The following XKR4 variants were observed in gnomAD, a reference collection of about 807,000 sequenced individuals.
The protein encoded by XKR4 is XK related 4, also known as XK-related protein 4.
In XKR4, 12 loss-of-function variants were observed where a neutral mutation model predicts 53.9. The observed-to-expected ratio is 0.22, with a 90% CI of 0.14 to 0.36. The LOEUF (loss-of-function observed/expected upper bound fraction) is 0.36, where lower values mean the gene tolerates loss of function less well. Ranked by LOEUF, XKR4 falls within the 10% of genes least tolerant of loss-of-function variation. The pLI, the probability that XKR4 is intolerant of heterozygous loss-of-function variation, is 1.00. For missense variants in XKR4, 799 were observed against 859.5 expected, an observed-to-expected ratio of 0.93 and a Z score of 0.88; for synonymous variants, 354 against 362.4, an observed-to-expected ratio of 0.98 and a Z score of 0.26.
At chr8:55,460,719 T>A (rs1392001089) in intron 2 of XKR4, among the ~76,000 whole-genome samples, 1 of 152,126 alleles carries the variant, frequency 6.6e-6, no homozygotes, top group Non-Finnish European at 1.5e-5. Flanking sequence ...GTCAGGGAAT[T>A]CCCTTTCCTA....
intron 1 of XKR4, among the ~76,000 whole-genome samples, chr8:55,266,571 G>C (rs1311775461): frequency 2.0e-5 from 3 of 152,274 alleles, no homozygotes; most frequent in Non-Finnish European, 4.4e-5. Flanking sequence ...TTGAAGACTA[G>C]TCAGTTGCAA....
At chr8:55,338,862 C>A (rs577052651) in intron 1 of XKR4, among the ~76,000 whole-genome samples, 27 of 152,264 alleles carry the variant, frequency 1.8e-4, no homozygotes, top group African/African-American at 6.5e-4. Flanking sequence ...TGTTTGGATT[C>A]CAGACAAAGC....
intron 1 of XKR4, among the ~76,000 whole-genome samples, chr8:55,143,347 C>A (rs950732597): frequency 6.6e-6 from 1 of 152,050 alleles, no homozygotes; most frequent in Non-Finnish European, 1.5e-5. Context: ...AGTTGTTTTG[C>A]CTTTTAATAA....
chr8:55,297,864 C>A (rs907273772), intron 1 of XKR4, among the ~76,000 whole-genome samples: 1 of 152,124 alleles, frequency 6.6e-6, no homozygotes, highest in African/African-American at 2.4e-5. Context: ...TATTTGCAAT[C>A]TTATTAACCA....
At chr8:55,357,574 G>C in intron 1 of XKR4, 104 bp from the exon 2 acceptor site, 1 of 1,190,838 alleles carries the variant, frequency 8.4e-7, no homozygotes, top group Non-Finnish European at 1.2e-6. Context: ...ATTGTTTCTT[G>C]TGCTTGCTTG....
At chr8:55,393,697 C>A (rs1260330128) in intron 2 of XKR4, among the ~76,000 whole-genome samples, 1 of 152,096 alleles carries the variant, frequency 6.6e-6, no homozygotes, top group Admixed American at 6.6e-5. Flanking sequence ...GAAGTTAGGG[C>A]CAGAAGTCAT....
chr8:55,270,485 C>T (rs1818673257), intron 1 of XKR4, among the ~76,000 whole-genome samples: 1 of 152,174 alleles, frequency 6.6e-6, no homozygotes, highest in East Asian at 1.9e-4. Context: ...GTGTTGATCA[C>T]CTCGTGTTGT....
intron 2 of XKR4, among the ~76,000 whole-genome samples, chr8:55,492,992 G>A (rs971814142): frequency 6.6e-6 from 1 of 152,194 alleles, no homozygotes; most frequent in Non-Finnish European, 1.5e-5. Context: ...CTCAGTAGCA[G>A]GGCAATTGTA....
At chr8:55,180,888 C>A (rs1817302098) in intron 1 of XKR4, among the ~76,000 whole-genome samples, 1 of 152,086 alleles carries the variant, frequency 6.6e-6, no homozygotes, top group Admixed American at 6.6e-5. Context: ...TCTTGTCTAA[C>A]AAAAGAGATT....
chr8:55,120,582 G>C (rs1166749546), intron 1 of XKR4, among the ~76,000 whole-genome samples: 1 of 151,846 alleles, frequency 6.6e-6, no homozygotes, highest in African/African-American at 2.4e-5. Flanking sequence ...GAAGTTTTCG[G>C]TTTACAGAAG....
chr8:55,232,445 C>T (rs1251549353), intron 1 of XKR4, among the ~76,000 whole-genome samples: 1 of 152,174 alleles, frequency 6.6e-6, no homozygotes, highest in African/African-American at 2.4e-5. Context: ...GAATCATACT[C>T]TATAATCATT....
intron 1 of XKR4, among the ~76,000 whole-genome samples, chr8:55,306,810 G>C (rs1563320776): frequency 6.6e-6 from 1 of 152,096 alleles, no homozygotes; most frequent in Non-Finnish European, 1.5e-5. Flanking sequence ...AGGTACAAAG[G>C]CAATTCAATG....
intron 1 of XKR4, among the ~76,000 whole-genome samples, chr8:55,210,678 C>T (rs979489404): frequency 4.9e-4 from 74 of 152,086 alleles, no homozygotes; most frequent in African/African-American, 1.6e-3. Context: ...AGATCAAGGA[C>T]GTGGACACAC....
intron 1 of XKR4, among the ~76,000 whole-genome samples, chr8:55,260,062 T>C (rs1026958717): frequency 4.6e-5 from 7 of 152,200 alleles, no homozygotes; most frequent in Non-Finnish European, 8.8e-5. Flanking sequence ...CTACTAGGTG[T>C]ACTTCATGAG....
At chr8:55,237,369 G>A (rs1371432646) in intron 1 of XKR4, among the ~76,000 whole-genome samples, 2 of 152,168 alleles carry the variant, frequency 1.3e-5, no homozygotes, top group East Asian at 3.9e-4. Flanking sequence ...TTTGTACATT[G>A]TATGTATTAT....
chr8:55,172,744 A>G (rs905316489), intron 1 of XKR4, among the ~76,000 whole-genome samples: 3 of 152,246 alleles, frequency 2.0e-5, no homozygotes, highest in Non-Finnish European at 4.4e-5. Context: ...TATCATAGCC[A>G]CAAAGACCAT....
intron 2 of XKR4, among the ~76,000 whole-genome samples, chr8:55,395,476 G>T (rs1036950672): frequency 2.6e-5 from 4 of 152,116 alleles, no homozygotes; most frequent in Non-Finnish European, 5.9e-5. Flanking sequence ...GTACCAGGGT[G>T]CAGTCAAACA....
In XKR4 at chr8:55,165,539, C is replaced by G. The variant is rs533867908; in HGVS notation, c.806+62245C>G. Among the ~76,000 whole-genome samples, 29 of 152,162 alleles carry G rather than the reference C, an allele frequency of 1.9e-4. No homozygotes were observed. The South Asian group carries it at 5.6e-3, about 29-fold the overall frequency. On this transcript the variant is annotated intron_variant, in intron 1 of 2. Transcript: ENST00000327381. ...TAATCCACAAAACTCTCACTAAATT[C>G]TAATCATTGACAATTTGTGGTGTCA...
chr8:55,420,320 T>G (rs1804907767), intron 2 of XKR4, among the ~76,000 whole-genome samples: 1 of 152,138 alleles, frequency 6.6e-6, no homozygotes, highest in Non-Finnish European at 1.5e-5. Flanking sequence ...CATGCTGCTA[T>G]AAAGACACAT....
Sources: gnomAD v4.1 joint callset for allele counts (sites outside exome capture counted in the v4.1 genomes callset) on GRCh38, gnomAD v4.1.1 for gene constraint, MANE v1.5 for transcripts, NCBI Gene and HGNC (gene_info 2026-07-23, HGNC 2026-07-21) for gene names.